GRIK2: variants seen among roughly 807,000 people sequenced by gnomAD.
GRIK2 encodes the protein glutamate ionotropic receptor kainate type subunit 2.
Under a neutral mutation model 100.3 loss-of-function variants are expected in GRIK2, and 32 were observed. That is an observed-to-expected ratio of 0.32 (90% CI 0.24 to 0.43). The LOEUF is 0.43. GRIK2 is among the 20% of genes least tolerant of loss of function. The pLI, the probability that GRIK2 is intolerant of heterozygous loss-of-function variation, is 1.00. For synonymous variants in GRIK2, 417 were observed against 389.4 expected (o/e 1.07, Z -0.83); for missense variants, 843 against 1,114.9 (o/e 0.76, Z 3.47).
rs573229538 is a variant in GRIK2 at position 101,551,679 on chromosome 6, A to G, written c.116-70270A>G. 5.9e-5 allele frequency among the ~76,000 whole-genome samples: 9 copies of G among 152,230 alleles called. No homozygotes were observed. In the South Asian group the frequency reaches 1.4e-3, roughly 25 times the overall value. On this transcript the variant is annotated intron_variant, in intron 2 of 16. Transcript: ENST00000369134. ...CAAGGAAGACAAAGCCTCTGCCCCT[A>G]TAAGACTTATACTACCAAAAAGAGT...
intron 16 of GRIK2, among the ~76,000 whole-genome samples, chr6:102,062,506 C>T (rs2114526344): frequency 8.7e-6 from 1 of 115,164 alleles, no homozygotes; most frequent in Admixed American, 8.9e-5. Context: ...TATAAAACTA[C>T]AGTGATCAGT....
At chr6:101,890,966 A>G (rs1388624643) in intron 12 of GRIK2, among the ~76,000 whole-genome samples, 1 of 149,434 alleles carries the variant, frequency 6.7e-6, no homozygotes, top group East Asian at 2.0e-4. Flanking sequence ...AAAAATACCT[A>G]TAAAGTGTAC....
chr6:101,467,400 A>T (rs2579935), intron 2 of GRIK2, among the ~76,000 whole-genome samples: 41,261 of 152,096 alleles, frequency 0.27, 6,111 homozygotes, highest in East Asian at 0.37. Flanking sequence ...AATTAGGAAT[A>T]GTTTCATTAA....
rs191813948 is a variant in GRIK2, at chr6:101,431,085, T to C, written c.115+31693T>C. 695 of 256,114 alleles carry C rather than the reference T, an allele frequency of 2.7e-3. 14 individuals carry two copies. The highest frequency in any genetic ancestry group is 0.027 in the Admixed American group (672 of 25,172). The allele number at this position is 256,114 out of a possible 1,614,324, so 15.9% of individuals were successfully genotyped here. ...TACATGGCAGGGGGTATCCAAGGTC[T>C]CAAACATGATCTGAGTCAACTTCTC... is the stretch of plus-strand genomic sequence containing the variant. On this transcript the variant is annotated intron_variant, in intron 2 of 16. Coordinates refer to ENST00000369134, the MANE Select transcript of GRIK2 (RefSeq NM_021956.5).
chr6:101,507,363 T>C (rs9390750), intron 2 of GRIK2, among the ~76,000 whole-genome samples: 35,661 of 151,960 alleles, frequency 0.23, 5,080 homozygotes, highest in East Asian at 0.48. Flanking sequence ...GTTGTATGTA[T>C]GCTTAAAAAT....
chr6:101,488,589 G>T (rs983292307), intron 2 of GRIK2, among the ~76,000 whole-genome samples: 1 of 146,352 alleles, frequency 6.8e-6, no homozygotes, highest in Non-Finnish European at 1.5e-5. Context: ...CATTGGTTTT[G>T]CAGGAACCTG....
chr6:101,545,642 T>C (rs976462078), intron 2 of GRIK2, among the ~76,000 whole-genome samples: 1 of 152,134 alleles, frequency 6.6e-6, no homozygotes, highest in African/African-American at 2.4e-5. Flanking sequence ...ATTTGTTAAG[T>C]GATAATAGTG....
rs949501054 is a variant in GRIK2, at chr6:101,948,338, G to A, written c.2085+19706G>A. Among the ~76,000 whole-genome samples the A allele has an allele frequency of 1.9e-4, 28 of 149,816 alleles. No homozygotes were observed. In the South Asian group the frequency reaches 2.3e-3, roughly 12 times the overall value. ...TCTTTTTTTTTTTAAAGTCTCTTCCGTTTACCCAGTAAGTGACATAAGCCA... is the reference window on the plus strand; with the variant it reads ...TCTTTTTTTTTTTAAAGTCTCTTCCATTTACCCAGTAAGTGACATAAGCCA... On this transcript the variant is annotated intron_variant, in intron 14 of 16. Coordinates refer to ENST00000369134, the MANE Select transcript of GRIK2 (RefSeq NM_021956.5).
At chr6:101,971,476 A>G (rs954451786) in intron 14 of GRIK2, among the ~76,000 whole-genome samples, 12 of 151,984 alleles carry the variant, frequency 7.9e-5, no homozygotes, top group African/African-American at 2.9e-4. Flanking sequence ...CATTGGAAAG[A>G]TTCTGTTATG....
intron 7 of GRIK2, among the ~76,000 whole-genome samples, chr6:101,770,707 C>G (rs1393741188): frequency 6.6e-6 from 1 of 152,124 alleles, no homozygotes; most frequent in Non-Finnish European, 1.5e-5. Flanking sequence ...GTGTTCACAG[C>G]AGTGTACCAT....
intron 14 of GRIK2, among the ~76,000 whole-genome samples, chr6:102,010,551 T>C (rs1795479068): frequency 6.6e-6 from 1 of 151,682 alleles, no homozygotes; most frequent in African/African-American, 2.4e-5. Context: ...GCCCAGCTAA[T>C]TTTTTTGTAT....
intron 2 of GRIK2, among the ~76,000 whole-genome samples, chr6:101,433,822 G>C (rs1213256154): frequency 6.6e-6 from 1 of 152,114 alleles, no homozygotes; most frequent in African/African-American, 2.4e-5. Context: ...TCCCCTGTTT[G>C]CCTATATTTG....
intron 2 of GRIK2, among the ~76,000 whole-genome samples, chr6:101,439,386 T>C (rs1769918629): frequency 3.9e-5 from 6 of 152,110 alleles, no homozygotes; most frequent in Admixed American, 3.3e-4. Flanking sequence ...TAGTGTGTAA[T>C]GAAGCTTCAA....
Position 101,719,138 on chromosome 6 carries a change from G to GTTTTTTTTTTTTTTTTTTTTTTTT in GRIK2, c.951+32800_951+32823dup, listed in dbSNP as rs60301711. Among the ~76,000 whole-genome samples the GTTTTTTTTTTTTTTTTTTTTTTTT allele has an allele frequency of 3.0e-5, 3 of 101,170 alleles. 1 individual carries two copies. The highest frequency in any genetic ancestry group is 1.5e-4 in the African/African-American group (3 of 20,102). The allele number at this position is 101,170 out of a possible 152,430, so 66.4% of individuals were successfully genotyped here. A position where few individuals can be genotyped will look rare whatever the true frequency, so the allele number is the denominator to read the frequency against. The stretch of plus-strand genomic sequence containing the variant: ...CTGAAATGTGCAACAGGCTGCAAGG[G>GTTTTTTTTTTTTTTTTTTTTTTTT]TTTTTTTTTTTTTTTTTTTTTTTTT... On this transcript the variant is annotated intron_variant, in intron 7 of 16. Coordinates refer to ENST00000369134, the MANE Select transcript of GRIK2 (RefSeq NM_021956.5).
chr6:101,704,756 A>G (rs1773139151), intron 7 of GRIK2, among the ~76,000 whole-genome samples: 1 of 151,326 alleles, frequency 6.6e-6, no homozygotes, highest in Admixed American at 6.6e-5. Context: ...GAATTTTTAA[A>G]TATGAGCCTC....
intron 14 of GRIK2, among the ~76,000 whole-genome samples, chr6:101,999,184 CT>C (rs1039968980): frequency 1.3e-5 from 2 of 151,962 alleles, no homozygotes; most frequent in African/African-American, 4.8e-5. Flanking sequence ...TATCCTTCAA[CT>C]TTTTTTCTTT....
intron 7 of GRIK2, among the ~76,000 whole-genome samples, chr6:101,718,521 C>T (rs2128363419): frequency 6.6e-6 from 1 of 151,992 alleles, no homozygotes; most frequent in East Asian, 1.9e-4. Context: ...TGCCTCCAAG[C>T]TACAATATTC....
intron 2 of GRIK2, among the ~76,000 whole-genome samples, chr6:101,601,866 C>T (rs370645177): frequency 6.6e-6 from 1 of 151,496 alleles, no homozygotes; most frequent in Non-Finnish European, 1.5e-5. Context: ...CATGTGTATC[C>T]TTTCAAGGGA....
chr6:101,742,754 G>T (rs1024070074), intron 7 of GRIK2, among the ~76,000 whole-genome samples: 1 of 152,194 alleles, frequency 6.6e-6, no homozygotes, highest in African/African-American at 2.4e-5. Flanking sequence ...TTACCATGCA[G>T]ATGAAGCTTT....
Sources: gnomAD v4.1 joint callset for allele counts (sites outside exome capture counted in the v4.1 genomes callset) on GRCh38, gnomAD v4.1.1 for gene constraint, MANE v1.5 for transcripts, NCBI Gene and HGNC (gene_info 2026-07-23, HGNC 2026-07-21) for gene names.